The following UNC5C variants were observed in gnomAD, a reference collection of about 807,000 sequenced individuals.
The protein encoded by UNC5C is netrin receptor UNC5C.
In UNC5C, 47 loss-of-function variants were observed where a neutral mutation model predicts 99.8. The ratio of observed to expected loss-of-function variants is 0.47; its 90% CI spans 0.37 to 0.60. The LOEUF is 0.60. Ranked by LOEUF, UNC5C falls within the 20% of genes least tolerant of loss-of-function variation. UNC5C has a pLI of 0.00. For synonymous variants in UNC5C, 487 were observed against 452.2 expected (o/e 1.08, Z -0.98); for missense variants, 1,062 against 1,165.9 (o/e 0.91, Z 1.30).
intron 1 of UNC5C, among the ~76,000 whole-genome samples, chr4:95,364,233 T>C (rs1373296872): frequency 6.6e-6 from 1 of 152,182 alleles, no homozygotes; most frequent in Non-Finnish European, 1.5e-5. Flanking sequence ...AACATGTGAC[T>C]CCACCAACAA....
rs372795671 is a variant in UNC5C, at chr4:95,422,751, C to T, written c.125-87120G>A. The stretch of plus-strand genomic sequence containing the variant: ...TTGCTTTACGGTGTGCATGTTAATA[C>T]GCTATTCTCTTTAATTAGTTTGGCA... On this transcript the variant is annotated intron_variant, in intron 1 of 15. Coordinates refer to ENST00000453304, the MANE Select transcript of UNC5C (RefSeq NM_003728.4). 6.3e-4 allele frequency among the ~76,000 whole-genome samples: 96 copies of T among 152,124 alleles called. No homozygotes were observed. The East Asian group carries it at 7.5e-3, about 12-fold the overall frequency.
chr4:95,212,235 A>AC, intron 10 of UNC5C, among the ~76,000 whole-genome samples: 1 of 152,246 alleles, frequency 6.6e-6, no homozygotes, highest in Admixed American at 6.5e-5. Context: ...CCAATTAAAA[A>AC]AAAAAGTTCT....
chr4:95,512,745 A>C (rs1341633619), intron 1 of UNC5C, among the ~76,000 whole-genome samples: 1 of 152,194 alleles, frequency 6.6e-6, no homozygotes, highest in African/African-American at 2.4e-5. Context: ...CAACATTTTT[A>C]TGCCAGGTTT....
chr4:95,487,353 C>T (rs1721355591), intron 1 of UNC5C, among the ~76,000 whole-genome samples: 1 of 151,680 alleles, frequency 6.6e-6, no homozygotes, highest in Non-Finnish European at 1.5e-5. Context: ...ATGGAGGTAG[C>T]ATATTCTCTA....
Position 95,242,497 on chromosome 4 carries a change from T to C in UNC5C, c.1040A>G (p.Asn347Ser). 1 of 1,613,914 alleles carries C rather than the reference T, an allele frequency of 6.2e-7. No individual in the cohort carries two copies. Among genetic ancestry groups the C allele is most frequent in the Non-Finnish European group, 8.5e-7 (1 of 1,179,900 alleles). Residue 347 changes from asparagine to serine, a missense_variant, in exon 7 of 16, where the codon AAT becomes AGT. This residue lies in a region of UNC5C where 810 missense variants were observed against 854.5 expected (regional missense o/e 0.95). Transcript: ENST00000453304. ...RRECTAPAPKNGGKDCDGLVL... is the reference protein window; with the variant it reads ...RRECTAPAPKSGGKDCDGLVL... ...GAGGCCGTCGCAGTCCTTGCCTCCA[T>C]TCTTGGGGGCTGGCGCCGTGCACTC...
At chr4:95,219,917 T>C in intron 8 of UNC5C, 68 bp downstream of exon 8, 1 of 1,529,984 alleles carries the variant, frequency 6.5e-7, no homozygotes, top group Non-Finnish European at 8.9e-7. Flanking sequence ...GAGATGACTC[T>C]AAAGTCATTG....
chr4:95,284,923 A>G (rs1424197169), intron 3 of UNC5C, among the ~76,000 whole-genome samples: 3 of 152,136 alleles, frequency 2.0e-5, no homozygotes, highest in African/African-American at 7.2e-5. Flanking sequence ...AGTGTGACCT[A>G]TAATAGGAAA....
At chr4:95,446,284 A>G (rs1747104288) in intron 1 of UNC5C, among the ~76,000 whole-genome samples, 2 of 152,188 alleles carry the variant, frequency 1.3e-5, no homozygotes, top group Non-Finnish European at 2.9e-5. Context: ...AAAAATCTAC[A>G]AAATGGAAGA....
At position 95,218,957 on chromosome 4, in the gene UNC5C, T is replaced by C; in HGVS notation, c.1645+12A>G. On this transcript the variant is annotated intron_variant, in intron 9 of 15. Transcript: ENST00000453304. ...AAGCTGCCTCTTTGCAATTTAAACC[T>C]CTAGGAATTACCTGAATTGGGAACA... 1 of 1,580,418 alleles carries C rather than the reference T, an allele frequency of 6.3e-7. No individual in the cohort carries two copies. Among genetic ancestry groups the C allele is most frequent in the East Asian group, 2.2e-5 (1 of 44,454 alleles).
rs536930110 is a variant in UNC5C at position 95,344,576 on chromosome 4, T to C, written c.125-8945A>G. ...AACGTTATAATTCTGGTATGTAATC[T>C]ACTCATATTTTGAGTAGAAAGACCA... On this transcript the variant is annotated intron_variant, in intron 1 of 15. Coordinates refer to ENST00000453304, the MANE Select transcript of UNC5C (RefSeq NM_003728.4). 5.3e-5 allele frequency among the ~76,000 whole-genome samples: 8 copies of C among 152,214 alleles called. No homozygotes were observed. In the South Asian group the frequency reaches 1.7e-3, roughly 32 times the overall value.
At chr4:95,383,152 C>A (rs1198595038) in intron 1 of UNC5C, among the ~76,000 whole-genome samples, 1 of 152,058 alleles carries the variant, frequency 6.6e-6, no homozygotes, top group African/African-American at 2.4e-5. Flanking sequence ...ACAAAAATAA[C>A]AAATACAAAA....
intron 2 of UNC5C, among the ~76,000 whole-genome samples, chr4:95,303,746 A>G (rs1017312518): frequency 6.6e-6 from 1 of 152,192 alleles, no homozygotes; most frequent in Non-Finnish European, 1.5e-5. Flanking sequence ...TGACATGATC[A>G]GATGAGAATT....
At chr4:95,404,952 C>T (rs930551757) in intron 1 of UNC5C, among the ~76,000 whole-genome samples, 2 of 152,100 alleles carry the variant, frequency 1.3e-5, no homozygotes, top group African/African-American at 2.4e-5. Context: ...GTGGGAGGCC[C>T]GACTCCTGTG....
intron 3 of UNC5C, among the ~76,000 whole-genome samples, chr4:95,295,414 T>C (rs1741638190): frequency 6.6e-6 from 1 of 152,240 alleles, no homozygotes; most frequent in South Asian, 2.1e-4. Context: ...CAGCACAGCC[T>C]GGCTGAATCC....
Position 95,250,617 on chromosome 4 carries a change from A to G in UNC5C, c.645T>C (p.Asn215=). 6.2e-7 allele frequency: 1 copy of G among 1,614,054 alleles called. No homozygotes were observed. The stretch of plus-strand genomic sequence containing the variant: ...GGTTGTGATCAATAGTAATATAAAA[A>G]TTCCGATCTTCAACGGGATCAATTA... ...EDIIDPVEDR[N]FYITIDHNLI... Residue 215 remains asparagine (N), a synonymous_variant, in exon 5 of 16, where the codon AAT becomes AAC. Coordinates refer to ENST00000453304, the MANE Select transcript of UNC5C (RefSeq NM_003728.4).
At chr4:95,329,608 C>G (rs116674584) in intron 2 of UNC5C, among the ~76,000 whole-genome samples, 1,542 of 152,246 alleles carry the variant, frequency 0.01, 25 homozygotes, top group African/African-American at 0.035. Flanking sequence ...CATTGCTGTT[C>G]CTGTATCTTG....
intron 1 of UNC5C, among the ~76,000 whole-genome samples, chr4:95,472,047 A>C (rs145490778): frequency 3.9e-5 from 6 of 152,242 alleles, no homozygotes; most frequent in Admixed American, 3.9e-4. Context: ...GCTTATTCAA[A>C]ATTTCCAATG....
chr4:95,386,653 C>T (rs1215135650), intron 1 of UNC5C, among the ~76,000 whole-genome samples: 1 of 152,142 alleles, frequency 6.6e-6, no homozygotes, highest in African/African-American at 2.4e-5. Context: ...CTCTTTCTCT[C>T]TGATGGTCTC....
intron 1 of UNC5C, among the ~76,000 whole-genome samples, chr4:95,482,715 T>C (rs1721198719): frequency 8.1e-6 from 1 of 123,002 alleles, no homozygotes; most frequent in African/African-American, 3.3e-5. Context: ...TGTAGGGACA[T>C]GGATGAAATT....
Sources: allele counts gnomAD v4.1 joint callset (sites outside exome capture counted in the v4.1 genomes callset), GRCh38; gene constraint gnomAD v4.1.1; regional missense constraint gnomAD v4.1.1; transcripts MANE v1.5; gene names NCBI Gene and HGNC (gene_info 2026-07-23, HGNC 2026-07-21).